The following ATP10B variants were observed in gnomAD, a reference collection of about 807,000 sequenced individuals.
The protein encoded by ATP10B is ATPase phospholipid transporting 10B (putative).
A neutral mutation model predicts 141.2 loss-of-function variants in ATP10B; 122 were observed. The observed-to-expected ratio is 0.86, with a 90% CI of 0.75 to 1.00. The LOEUF is 1.00. Ranked by LOEUF, ATP10B falls within the 50% of genes least tolerant of loss-of-function variation. The pLI, the probability that ATP10B is intolerant of heterozygous loss-of-function variation, is 0.00. For synonymous variants in ATP10B, 685 were observed against 692.0 expected (o/e 0.99, Z 0.16); for missense variants, 1,876 against 1,825.3 (o/e 1.03, Z -0.51).
intron 1 of ATP10B, among the ~76,000 whole-genome samples, chr5:160,826,910 C>G (rs917233207): frequency 6.6e-6 from 1 of 152,148 alleles, no homozygotes; most frequent in Non-Finnish European, 1.5e-5. Flanking sequence ...CGGTTCTCTG[C>G]TCTCAAACCC....
intron 17 of ATP10B, among the ~76,000 whole-genome samples, chr5:160,613,145 G>A (rs1206782086): frequency 7.2e-5 from 11 of 152,164 alleles, no homozygotes; most frequent in Non-Finnish European, 1.6e-4. Flanking sequence ...ATGAAAGAAA[G>A]TCAGGATACC....
intron 2 of ATP10B, among the ~76,000 whole-genome samples, chr5:160,773,717 G>A (rs561523587): frequency 1.7e-4 from 26 of 152,172 alleles, no homozygotes; most frequent in African/African-American, 6.3e-4. Flanking sequence ...GCAGTGTAGT[G>A]GCAAGTTCTG....
At chr5:160,788,483 T>C (rs754189938) in intron 1 of ATP10B, among the ~76,000 whole-genome samples, 2 of 152,194 alleles carry the variant, frequency 1.3e-5, no homozygotes, top group Non-Finnish European at 2.9e-5. Context: ...GGGGAAGAGC[T>C]AAATTGCATC....
intron 13 of ATP10B, 67 bp downstream of exon 13, chr5:160,632,058 TCACA>T: frequency 2.8e-6 from 4 of 1,439,546 alleles, no homozygotes; most frequent in Admixed American, 4.4e-5. Context: ...TTTTTCTTTT[TCACA>T]TTCCAGAGCA....
chr5:160,781,815 T>A (rs144856639), intron 2 of ATP10B, among the ~76,000 whole-genome samples: 1 of 152,118 alleles, frequency 6.6e-6, no homozygotes, highest in African/African-American at 2.4e-5. Context: ...ATAAATCAAA[T>A]GCTGGCCATA....
At chr5:160,867,026 A>G in the ATP10B span, among the ~76,000 whole-genome samples, 33 of 152,180 alleles carry the variant, frequency 2.2e-4, no homozygotes, top group East Asian at 6.4e-3. Context: ...TCAGATCTAG[A>G]TTTATGTCCT....
rs186274481 is a variant in ATP10B, at chr5:160,829,365, A to G, written c.-576+22576T>C. Among the ~76,000 whole-genome samples, 142 of 152,266 alleles carry G rather than the reference A, an allele frequency of 9.3e-4. No homozygotes were observed. In the South Asian group the frequency reaches 0.019, roughly 20 times the overall value. On this transcript the variant is annotated intron_variant, in intron 1 of 25. Coordinates refer to ENST00000327245, the MANE Select transcript of ATP10B (RefSeq NM_025153.3). Reference sequence around the variant, plus strand: ...GCTGTTTTGGTTACTGCACGCTTATAGTATGGCTTGAAATTGGGTAGTTTG... The same window carrying G: ...GCTGTTTTGGTTACTGCACGCTTATGGTATGGCTTGAAATTGGGTAGTTTG...
At chr5:160,761,607 C>G (rs79451626) in intron 2 of ATP10B, among the ~76,000 whole-genome samples, 3,360 of 152,242 alleles carry the variant, frequency 0.022, 112 homozygotes, top group African/African-American at 0.077. Flanking sequence ...TTAGACCTTC[C>G]CACTGAAACG....
intron 1 of ATP10B, among the ~76,000 whole-genome samples, chr5:160,815,194 A>G (rs537547309): frequency 1.5e-4 from 23 of 152,354 alleles, no homozygotes; most frequent in Middle Eastern, 3.4e-3. Flanking sequence ...AGACTGGCAA[A>G]TTGGATAAAG....
intron 2 of ATP10B, among the ~76,000 whole-genome samples, chr5:160,763,341 A>G (rs1769179464): frequency 6.6e-6 from 1 of 152,150 alleles, no homozygotes; most frequent in Admixed American, 6.5e-5. Flanking sequence ...AATTTAAGCA[A>G]CTCGAAATAA....
chr5:160,672,311 G>C (rs1040833612), intron 6 of ATP10B, among the ~76,000 whole-genome samples: 2 of 152,020 alleles, frequency 1.3e-5, no homozygotes, highest in Non-Finnish European at 2.9e-5. Context: ...ATTTCAGAAA[G>C]TCTTCCTTCT....
intron 6 of ATP10B, 126 bp downstream of exon 6, chr5:160,685,953 C>G: frequency 2.4e-6 from 2 of 844,636 alleles, no homozygotes; most frequent in Non-Finnish European, 3.4e-6. Flanking sequence ...ATCACCCCCC[C>G]TTGAGAATCA....
chr5:160,638,066 C>T (rs1407062957), intron 10 of ATP10B, among the ~76,000 whole-genome samples: 1 of 152,142 alleles, frequency 6.6e-6, no homozygotes, highest in South Asian at 2.1e-4. Flanking sequence ...GCAGAGTATT[C>T]TGGTGAGGAA....
In ATP10B at chr5:160,576,833, A is replaced by C. The variant is rs537938540; in HGVS notation, c.3751-7150T>G. Reference sequence around the variant, plus strand: ...ATGCCAGGGGGCCAGCAGGACCCAGATATTACAGGTTCGTAAGTGAGGAGT... The same window carrying C: ...ATGCCAGGGGGCCAGCAGGACCCAGCTATTACAGGTTCGTAAGTGAGGAGT... On this transcript the variant is annotated intron_variant, in intron 24 of 25. Transcript: ENST00000327245. Among the ~76,000 whole-genome samples the C allele has an allele frequency of 2.0e-5, 3 of 152,344 alleles. No individual in the cohort carries two copies. The South Asian group carries it at 6.2e-4, about 32-fold the overall frequency.
rs1363199 is a variant in ATP10B, at chr5:160,617,848, G to A, written c.2526+16C>T. 1,242,422 of 1,599,878 alleles carry A rather than the reference G, an allele frequency of 0.78. 484,082 individuals carry two copies. The highest frequency in any genetic ancestry group is 0.84 in the East Asian group (37,804 of 44,812). ...TTTAATGATATTCAAAGCACGCTTG[G>A]AGGAATTGTTCTTACCTTCTTGGCA... On this transcript the variant is annotated intron_variant, in intron 16 of 25. Coordinates refer to ENST00000327245, the MANE Select transcript of ATP10B (RefSeq NM_025153.3).
In ATP10B at chr5:160,620,558, G is replaced by A; in HGVS notation, c.2205C>T (p.Ser735=). 1.2e-6 allele frequency: 2 copies of A among 1,614,072 alleles called. No individual in the cohort carries two copies. Among genetic ancestry groups the A allele is most frequent in the South Asian group, 1.1e-5 (1 of 91,078 alleles). The change falls in exon 15 of 26, where the codon AGC becomes AGT. Residue 735 remains serine (S), a synonymous_variant. Transcript: ENST00000327245. The stretch of plus-strand genomic sequence containing the variant: ...CAGGTGTCCGGGACACTAGTGTGAA[G>A]CTGTAGGCATGGGCAGCGTGCACCA... ...AALVHAAHAY[S]FTLVSRTPEQ...
chr5:160,903,747 A>T, the ATP10B span, among the ~76,000 whole-genome samples: 2 of 152,178 alleles, frequency 1.3e-5, no homozygotes, highest in Non-Finnish European at 2.9e-5. Context: ...AGATTAGAAC[A>T]GGAGCACAGT....
chr5:160,652,947 AATATATT>A (rs1760968428), intron 7 of ATP10B, among the ~76,000 whole-genome samples: 3 of 84,246 alleles, frequency 3.6e-5, no homozygotes, highest in Non-Finnish European at 6.1e-5. Context: ...ATGTATATAT[AATATATT>A]ATATATACAT....
Position 160,686,248 on chromosome 5 carries a change from G to T in ATP10B, c.301C>A (p.Leu101Met). Residue 101 changes from leucine to methionine, a missense_variant, in exon 6 of 26, where the codon CTG (leucine) becomes ATG (methionine). Transcript: ENST00000327245. ...GAGGGCATCCAGTTCAAAATCACCAGGAACAGGAAATAGAGGTTAGCCCAT... is the reference window on the plus strand; with the variant it reads ...GAGGGCATCCAGTTCAAAATCACCATGAACAGGAAATAGAGGTTAGCCCAT... ...HRWANLYFLF[L>M]VILNWMPSME... The T allele has an allele frequency of 6.2e-7, 1 of 1,603,510 alleles. No individual in the cohort carries two copies.
Sources: gnomAD v4.1 joint callset for allele counts (sites outside exome capture counted in the v4.1 genomes callset) on GRCh38, gnomAD v4.1.1 for gene constraint, MANE v1.5 for transcripts, NCBI Gene and HGNC (gene_info 2026-07-23, HGNC 2026-07-21) for gene names.